Variants in FOXP1 observed in about 807,000 individuals in gnomAD.
FOXP1 encodes forkhead box protein P1.
A neutral mutation model predicts 98.2 loss-of-function variants in FOXP1; 15 were observed. The observed-to-expected ratio is 0.15, with a 90% CI of 0.10 to 0.24. The LOEUF (loss-of-function observed/expected upper bound fraction) is 0.24, where lower values mean the gene tolerates loss of function less well. FOXP1 is among the 10% of genes least tolerant of loss of function. The pLI is 1.00. For synonymous variants in FOXP1, 371 were observed against 314.5 expected (o/e 1.18, Z -1.90); for missense variants, 633 against 848.5 (o/e 0.75, Z 3.15).
intron 3 of FOXP1, among the ~76,000 whole-genome samples, chr3:71,371,375 C>G (rs1384855022): frequency 6.6e-6 from 1 of 152,184 alleles, no homozygotes; most frequent in Non-Finnish European, 1.5e-5. Flanking sequence ...GCCTCTCCCC[C>G]AAAGAAGCCT....
Position 71,039,593 on chromosome 3 carries a change from G to A in FOXP1, c.869+1735C>T, listed in dbSNP as rs145803187. Among the ~76,000 whole-genome samples, 1,373 of 152,124 alleles carry A rather than the reference G, an allele frequency of 9.0e-3. 9 individuals are homozygous for A. The highest frequency in any genetic ancestry group is 0.017 in the Middle Eastern group (5 of 294). On this transcript the variant is annotated intron_variant, in intron 11 of 20. Coordinates refer to ENST00000649528, the MANE Select transcript of FOXP1 (RefSeq NM_001349338.3). The stretch of plus-strand genomic sequence containing the variant: ...CACAAATACCTTAAGTGCATCAGTC[G>A]GCGTTTTTCAGTGTATGGCCTCCTG...
intron 2 of FOXP1, among the ~76,000 whole-genome samples, chr3:71,547,099 T>C (rs1040326753): frequency 5.3e-5 from 8 of 152,218 alleles, no homozygotes; most frequent in South Asian, 2.1e-4. Context: ...AAAACTCTTA[T>C]GAAATACAAA....
intron 4 of FOXP1, among the ~76,000 whole-genome samples, chr3:71,348,752 G>A (rs934163997): frequency 6.6e-6 from 1 of 151,950 alleles, no homozygotes; most frequent in African/African-American, 2.4e-5. Context: ...ACAGGTTTTA[G>A]GATTCACCAA....
At chr3:71,544,350 A>G (rs2045176885) in intron 2 of FOXP1, among the ~76,000 whole-genome samples, 1 of 151,588 alleles carries the variant, frequency 6.6e-6, no homozygotes, top group Non-Finnish European at 1.5e-5. Flanking sequence ...CTTTTTAAAA[A>G]GATGTATCAA....
intron 5 of FOXP1, among the ~76,000 whole-genome samples, chr3:71,291,941 G>A (rs1002321588): frequency 2.0e-5 from 3 of 151,912 alleles, no homozygotes; most frequent in Admixed American, 1.3e-4. Flanking sequence ...TCTTGACCTC[G>A]TGATCTGCCT....
At chr3:71,446,036 G>GGTGAGTGA (rs34045911) in intron 3 of FOXP1, among the ~76,000 whole-genome samples, 255 of 149,286 alleles carry the variant, frequency 1.7e-3, no homozygotes, top group African/African-American at 4.9e-3. Context: ...ACAACTCATA[G>GGTGAGTGA]GTGAGTGAGT....
intron 13 of FOXP1, among the ~76,000 whole-genome samples, chr3:70,993,909 G>A (rs566458373): frequency 6.6e-6 from 1 of 151,808 alleles, no homozygotes; most frequent in Non-Finnish European, 1.5e-5. Flanking sequence ...CAGGAGAATC[G>A]CTTGAACCCG....
chr3:71,583,643 GCGCGCGCACCC>G lies in FOXP1; in HGVS notation c.-530_-520del. Reference sequence around the variant, plus strand: ...TCCCCGCGCGCGCCCACTCCCGCCCGCGCGCGCACCCCGCGCACACACTCACTCGCGCACAC... The same window carrying G: ...TCCCCGCGCGCGCCCACTCCCGCCCGCGCGCACACACTCACTCGCGCACAC... On this transcript the variant is annotated 5_prime_UTR_variant, in exon 1 of 21. Transcript: ENST00000649528. The G allele has an allele frequency of 1.0e-6, 1 of 984,108 alleles. No individual in the cohort carries two copies. Among genetic ancestry groups the G allele is most frequent in the Non-Finnish European group, 1.2e-6 (1 of 829,538 alleles). 61.0% of individuals were successfully genotyped at this position (984,108 alleles called of 1,614,324 possible). A position where few individuals can be genotyped will look rare whatever the true frequency, so the allele number is the denominator to read the frequency against.
intron 2 of FOXP1, among the ~76,000 whole-genome samples, chr3:71,580,239 A>C (rs1424005480): frequency 5.3e-5 from 8 of 150,774 alleles, no homozygotes; most frequent in Admixed American, 5.3e-4. Flanking sequence ...CCAAAGTCTA[A>C]GGGGGGTGGG....
chr3:71,399,278 C>T (rs560669222), intron 3 of FOXP1, among the ~76,000 whole-genome samples: 1 of 152,290 alleles, frequency 6.6e-6, no homozygotes, highest in East Asian at 1.9e-4. Context: ...CACTCAGACA[C>T]ATCTCTAAAG....
At position 71,046,679 on chromosome 3, in the gene FOXP1, C is replaced by T. The variant is rs984274022; in HGVS notation, c.664+263G>A. Among the ~76,000 whole-genome samples, 45 of 152,170 alleles carry T rather than the reference C, an allele frequency of 3.0e-4. 1 individual carries two copies. Among genetic ancestry groups the T allele is most frequent in the Non-Finnish European group, 8.8e-5 (6 of 68,044 alleles). On this transcript the variant is annotated intron_variant, in intron 10 of 20. Coordinates refer to ENST00000649528, the MANE Select transcript of FOXP1 (RefSeq NM_001349338.3). Reference sequence around the variant, plus strand: ...AATGCTCAGTAAGTGAAAAGTAGCGCCTCATTCTCTTACTCCAAGAGTGTC... The same window carrying T: ...AATGCTCAGTAAGTGAAAAGTAGCGTCTCATTCTCTTACTCCAAGAGTGTC...
chr3:70,970,879 AGCTTGCTGGTGCCCTTCC>A, intron 18 of FOXP1, 74 bp from the exon 19 acceptor site: 1 of 1,200,188 alleles, frequency 8.3e-7, no homozygotes, highest in Non-Finnish European at 1.2e-6. Context: ...TTTTGTTTTA[AGCTTGCTGGTGCCCTTCC>A]AAATGAGCAA....
intron 3 of FOXP1, among the ~76,000 whole-genome samples, chr3:71,432,715 C>A (rs567070950): frequency 6.6e-6 from 1 of 151,970 alleles, no homozygotes; most frequent in East Asian, 1.9e-4. Context: ...AGCACCCTAT[C>A]CCCCCCATCC....
intron 5 of FOXP1, among the ~76,000 whole-genome samples, chr3:71,218,653 G>A (rs569292117): frequency 1.8e-4 from 28 of 152,254 alleles, no homozygotes; most frequent in African/African-American, 6.3e-4. Flanking sequence ...GCTACTTAGC[G>A]CTGCTGTTGT....
chr3:71,451,256 G>A (rs921827504), intron 3 of FOXP1, among the ~76,000 whole-genome samples: 4 of 152,192 alleles, frequency 2.6e-5, no homozygotes, highest in African/African-American at 7.2e-5. Flanking sequence ...AAGACTGTGA[G>A]CACTTCTTTG....
Position 70,955,396 on chromosome 3 carries a change from C to T in FOXP1, c.*3851G>A. The T allele has an allele frequency of 4.3e-6, 1 of 232,762 alleles. No individual in the cohort carries two copies. The highest frequency in any genetic ancestry group is 6.1e-5 in the East Asian group (1 of 16,520). 14.4% of individuals were successfully genotyped at this position (232,762 alleles called of 1,614,324 possible). ...TAAGCCTTGATATTCCATTTTGTGG[C>T]TGGTCCAAGGGGCAGCCTAACTCAT... On this transcript the variant is annotated 3_prime_UTR_variant, in exon 21 of 21. Transcript: ENST00000649528.
chr3:71,015,663 AACAC>A lies in FOXP1; in HGVS notation c.870-14_870-11del. The A allele has an allele frequency of 6.4e-7, 1 of 1,563,022 alleles. No homozygotes were observed. The highest frequency in any genetic ancestry group is 8.8e-7 in the Non-Finnish European group (1 of 1,133,872). ...CTCCTCATGGGACAAACTGAAAGAA[AACAC>A]ACAGAAGACCAGAGAATGAATTTGC... On this transcript the variant is annotated splice_polypyrimidine_tract_variant and intron_variant, in intron 11 of 20. Transcript: ENST00000649528.
intron 5 of FOXP1, among the ~76,000 whole-genome samples, chr3:71,269,278 C>A (rs1228216023): frequency 6.6e-6 from 1 of 151,586 alleles, no homozygotes; most frequent in Non-Finnish European, 1.5e-5. Context: ...TGATTTTAAT[C>A]CGAAATTGCC....
intron 10 of FOXP1, among the ~76,000 whole-genome samples, chr3:71,045,823 T>A (rs1218880385): frequency 2.6e-5 from 4 of 152,180 alleles, no homozygotes; most frequent in Non-Finnish European, 5.9e-5. Context: ...ACCAAACAAA[T>A]GGCCATGCTT....
Sources: gnomAD v4.1 joint callset for allele counts (sites outside exome capture counted in the v4.1 genomes callset) on GRCh38, gnomAD v4.1.1 for gene constraint, MANE v1.5 for transcripts, NCBI Gene and HGNC (gene_info 2026-07-23, HGNC 2026-07-21) for gene names.